TTLL9: variants seen among roughly 807,000 people sequenced by gnomAD.
TTLL9 encodes the protein probable tubulin polyglutamylase TTLL9.
In TTLL9, 47 loss-of-function variants were observed where a neutral mutation model predicts 65.6. The observed-to-expected ratio is 0.72, with a 90% confidence interval of 0.57 to 0.91. The LOEUF (loss-of-function observed/expected upper bound fraction) is 0.91. Ranked by LOEUF, TTLL9 falls within the 40% of genes least tolerant of loss-of-function variation. TTLL9 has a pLI of 0.00. For synonymous variants in TTLL9, 179 were observed against 204.8 expected (o/e 0.87, Z 1.07); for missense variants, 537 against 568.8 (o/e 0.94, Z 0.57).
intron 4 of TTLL9, among the ~76,000 whole-genome samples, chr20:31,906,867 C>T (rs1372968187): frequency 6.6e-6 from 1 of 152,136 alleles, no homozygotes; most frequent in African/African-American, 2.4e-5. Context: ...CCAGGCTGGT[C>T]TCAAACTCCC....
chr20:31,897,516 T>G (rs1350836555), intron 3 of TTLL9, among the ~76,000 whole-genome samples: 1 of 152,196 alleles, frequency 6.6e-6, no homozygotes, highest in Non-Finnish European at 1.5e-5. Flanking sequence ...GTTTTTGATT[T>G]TATTGATTTC....
In TTLL9 at chr20:31,898,510, A is replaced by G. The variant is rs749642875; in HGVS notation, c.151A>G (p.Met51Val). 1.5e-5 allele frequency: 25 copies of G among 1,614,016 alleles called. No individual in the cohort carries two copies. The highest frequency in any genetic ancestry group is 1.8e-5 in the Non-Finnish European group (21 of 1,180,024). Residue 51 changes from methionine to valine, a missense_variant, in exon 4 of 15, where the codon ATG (methionine) becomes GTG (valine). Transcript: ENST00000535842. ...RASIRFKTTL[M>V]NTLMDVLRHR... ...ATCGATCCGGTTCAAGACCACCCTC[A>G]TGAACACACTCATGGACGTCCTTCG...
chr20:31,892,330 C>T (rs992593018), intron 3 of TTLL9, among the ~76,000 whole-genome samples: 4 of 151,550 alleles, frequency 2.6e-5, no homozygotes, highest in African/African-American at 9.7e-5. Flanking sequence ...CAGGCCATCA[C>T]GCCTGGCTAA....
intron 3 of TTLL9, among the ~76,000 whole-genome samples, chr20:31,895,995 A>G (rs1236641272): frequency 6.6e-6 from 1 of 151,938 alleles, no homozygotes; most frequent in Non-Finnish European, 1.5e-5. Flanking sequence ...ACCAGCCACC[A>G]TGCCCGGCTA....
rs148508216 is a variant in TTLL9, at chr20:31,878,739, A to G, written c.69+7544A>G. 3.0e-3 allele frequency among the ~76,000 whole-genome samples: 452 copies of G among 152,324 alleles called. 3 individuals carry two copies. The highest frequency in any genetic ancestry group is 1.0e-2 in the African/African-American group (414 of 41,574). On this transcript the variant is annotated intron_variant, in intron 2 of 14. Coordinates refer to ENST00000535842, the MANE Select transcript of TTLL9 (RefSeq NM_001008409.5). ...ATGAATTCCATTTCTATTTCAGTTA[A>G]TCAAAGATAGTTTTTTGTAACCAAG... is the stretch of plus-strand genomic sequence containing the variant.
At chr20:31,890,154 CTTCTTTCTTTCTTTCT>C (rs765420741) in intron 3 of TTLL9, among the ~76,000 whole-genome samples, 1 of 13,576 alleles carries the variant, frequency 7.4e-5, no homozygotes, top group Non-Finnish European at 1.3e-4. Context: ...TCCTTCCTTC[CTTCTTTCTTTCTTTCT>C]TTCTTTCTTT....
chr20:31,920,086 T>C (rs2063793779), intron 7 of TTLL9, among the ~76,000 whole-genome samples, 154 bp downstream of exon 7: 1 of 152,180 alleles, frequency 6.6e-6, no homozygotes, highest in Non-Finnish European at 1.5e-5. Flanking sequence ...AGCCAGATTG[T>C]CCAGGTTCAA....
chr20:31,896,528 T>G (rs898546543), intron 3 of TTLL9, among the ~76,000 whole-genome samples: 1 of 152,118 alleles, frequency 6.6e-6, no homozygotes, highest in Non-Finnish European at 1.5e-5. Flanking sequence ...TTGTTTTTTT[T>G]GTTGTTGTTT....
At chr20:31,917,881 G>A (rs374210031) in intron 6 of TTLL9, among the ~76,000 whole-genome samples, 37 of 152,332 alleles carry the variant, frequency 2.4e-4, no homozygotes, top group East Asian at 1.2e-3. Context: ...CAGACTAAGA[G>A]TTTTTAAGGA....
At chr20:31,898,633 T>C in intron 4 of TTLL9, 68 bp downstream of exon 4, 1 of 1,454,146 alleles carries the variant, frequency 6.9e-7, no homozygotes, top group Admixed American at 1.8e-5. Flanking sequence ...TCCTTTGTTT[T>C]TCTCCCAGTT....
At chr20:31,906,644 A>T (rs1405414574) in intron 4 of TTLL9, among the ~76,000 whole-genome samples, 1 of 151,952 alleles carries the variant, frequency 6.6e-6, no homozygotes, top group Non-Finnish European at 1.5e-5. Context: ...GAGACAAACC[A>T]AACACCTTTT....
intron 7 of TTLL9, among the ~76,000 whole-genome samples, chr20:31,921,202 G>A (rs987557247): frequency 1.3e-5 from 2 of 152,152 alleles, no homozygotes; most frequent in South Asian, 2.1e-4. Flanking sequence ...ATTGTGGGCC[G>A]GCAACAGACA....
At chr20:31,888,452 AG>A (rs1429440691) in intron 3 of TTLL9, among the ~76,000 whole-genome samples, 1 of 152,164 alleles carries the variant, frequency 6.6e-6, no homozygotes, top group East Asian at 1.9e-4. Context: ...ATTGCTATAA[AG>A]GAATACCTGA....
At chr20:31,888,581 G>A (rs1046415253) in intron 3 of TTLL9, among the ~76,000 whole-genome samples, 1 of 151,490 alleles carries the variant, frequency 6.6e-6, no homozygotes, top group East Asian at 2.0e-4. Flanking sequence ...AAGCGATTCT[G>A]CTGCCTCAGC....
At chr20:31,873,813 G>GAAAGAAAGAAAGAAA (rs2062989493) in intron 2 of TTLL9, among the ~76,000 whole-genome samples, 13 of 98,068 alleles carry the variant, frequency 1.3e-4, no homozygotes, top group African/African-American at 4.4e-4. Flanking sequence ...AGGAAGGAAG[G>GAAAGAAAGAAAGAAA]AAGGAAGGAA....
chr20:31,880,104 C>T (rs969365154), intron 2 of TTLL9, among the ~76,000 whole-genome samples: 4 of 152,124 alleles, frequency 2.6e-5, no homozygotes, highest in African/African-American at 4.8e-5. Context: ...CTACAAGTCC[C>T]GGCATGCACC....
At chr20:31,916,363 G>T (rs2063733185) in intron 6 of TTLL9, among the ~76,000 whole-genome samples, 1 of 152,190 alleles carries the variant, frequency 6.6e-6, no homozygotes, top group African/African-American at 2.4e-5. Context: ...AGGAAATATT[G>T]TCGTGGTTGT....
At chr20:31,912,741 G>C (rs976322497) in intron 6 of TTLL9, among the ~76,000 whole-genome samples, 1 of 151,862 alleles carries the variant, frequency 6.6e-6, no homozygotes, top group South Asian at 2.1e-4. Flanking sequence ...CTTCAGGCAG[G>C]ATTTCTATGT....
At chr20:31,926,780 C>A (rs1475547462) in intron 10 of TTLL9, among the ~76,000 whole-genome samples, 4 of 151,992 alleles carry the variant, frequency 2.6e-5, no homozygotes, top group Non-Finnish European at 5.9e-5. Context: ...ATGTCTAGAA[C>A]AGTGTTTGAA....
Sources: allele counts gnomAD v4.1 joint callset (sites outside exome capture counted in the v4.1 genomes callset), GRCh38; gene constraint gnomAD v4.1.1; transcripts MANE v1.5; gene names NCBI Gene and HGNC (gene_info 2026-07-23, HGNC 2026-07-21).